Variants in ZMYND11 observed in about 807,000 individuals in gnomAD.
ZMYND11 encodes the protein zinc finger MYND domain-containing protein 11.
In ZMYND11, 9 loss-of-function variants were observed where a neutral mutation model predicts 84.9. The observed-to-expected ratio is 0.11, with a 90% CI of 0.06 to 0.18. The LOEUF (loss-of-function observed/expected upper bound fraction) is 0.18. Among genes scored for constraint, ZMYND11 ranks in the 10% least tolerant of loss-of-function variants. ZMYND11 has a pLI of 1.00. For synonymous variants in ZMYND11, 250 were observed against 244.1 expected (o/e 1.02, Z -0.23); for missense variants, 409 against 761.0 (o/e 0.54, Z 5.44).
intron 3 of ZMYND11, among the ~76,000 whole-genome samples, chr10:213,339 G>A (rs969319229): frequency 1.3e-5 from 2 of 152,178 alleles, no homozygotes; most frequent in African/African-American, 4.8e-5. Context: ...CAGCATTTGA[G>A]TCTGGGGCCC....
rs184765523 is a variant in ZMYND11 at position 198,389 on chromosome 10, A to T, written c.117-11500A>T. 8.5e-3 allele frequency among the ~76,000 whole-genome samples: 1,297 copies of T among 152,162 alleles called. 11 individuals carry two copies. Among genetic ancestry groups the T allele is most frequent in the Middle Eastern group, 0.034 (10 of 292 alleles). ...GTAATCATAATGGAGAACATTTTTA[A>T]AAAAAAAGTATAATACCTTTACTGT... On this transcript the variant is annotated intron_variant, in intron 2 of 14. Coordinates refer to ENST00000381604, the MANE Select transcript of ZMYND11 (RefSeq NM_001370100.5).
intron 14 of ZMYND11, 59 bp downstream of exon 14, chr10:249,147 C>T (rs376968022): frequency 1.1e-4 from 172 of 1,605,412 alleles, no homozygotes; most frequent in African/African-American, 4.7e-4. Context: ...GTATGATGCC[C>T]GTTAATTCAG....
At chr10:237,824 A>C (rs1440155629) in intron 6 of ZMYND11, 147 bp downstream of exon 6, 5 of 566,062 alleles carry the variant, frequency 8.8e-6, no homozygotes, top group Non-Finnish European at 6.2e-6. Context: ...AGACAGGCAT[A>C]ACTACCAAAT....
At chr10:140,538 T>C (rs916710483) in intron 1 of ZMYND11, among the ~76,000 whole-genome samples, 3 of 152,228 alleles carry the variant, frequency 2.0e-5, no homozygotes, top group Admixed American at 6.5e-5. Context: ...GGAGAGAAAT[T>C]TGGCAAATTA....
chr10:242,725 G>A (rs1391876292), intron 10 of ZMYND11, among the ~76,000 whole-genome samples: 1 of 152,200 alleles, frequency 6.6e-6, no homozygotes, highest in Non-Finnish European at 1.5e-5. Flanking sequence ...TCCATGAGGT[G>A]TCTCCTGTCA....
At chr10:232,032 G>C (rs958187422) in intron 4 of ZMYND11, among the ~76,000 whole-genome samples, 3 of 152,172 alleles carry the variant, frequency 2.0e-5, no homozygotes, top group African/African-American at 7.2e-5. Flanking sequence ...CCTGCAAATA[G>C]AGAATAGGAA....
chr10:230,970 T>G (rs1299837936), intron 4 of ZMYND11, among the ~76,000 whole-genome samples: 1 of 152,238 alleles, frequency 6.6e-6, no homozygotes, highest in Non-Finnish European at 1.5e-5. Context: ...GTATGTGTAC[T>G]GCCCGTGAGC....
At chr10:149,813 G>A (rs1360464592) in intron 1 of ZMYND11, among the ~76,000 whole-genome samples, 3 of 152,112 alleles carry the variant, frequency 2.0e-5, no homozygotes, top group African/African-American at 7.2e-5. Context: ...GTCTAATGAA[G>A]TACATTATTT....
At position 246,923 on chromosome 10, in the gene ZMYND11, C is replaced by A; in HGVS notation, c.1108C>A (p.Arg370=). ...GRFWKSKNED[R]GEEEAESSIS... ...ATTTTGGAAATCTAAGAATGAGGAC[C>A]GAGGTGAGGAAGAGGCAGAATCCAG... Residue 370 remains arginine (R), a synonymous_variant, in exon 11 of 15, where the codon CGA becomes AGA. Transcript: ENST00000381604. The A allele has an allele frequency of 6.2e-7, 1 of 1,612,520 alleles. No individual in the cohort carries two copies.
In ZMYND11 at chr10:159,598, G is replaced by A. The variant is rs561383367; in HGVS notation, c.-19-20396G>A. 9.9e-5 allele frequency among the ~76,000 whole-genome samples: 15 copies of A among 152,104 alleles called. No individual in the cohort carries two copies. The South Asian group carries it at 1.2e-3, about 13-fold the overall frequency. On this transcript the variant is annotated intron_variant, in intron 1 of 14. Transcript: ENST00000381604. ...ATTTTTTTAAATTGGATTTTGGGGCGTATTCTGAAATTTCAGAGGTTCTTT... is the reference window on the plus strand; with the variant it reads ...ATTTTTTTAAATTGGATTTTGGGGCATATTCTGAAATTTCAGAGGTTCTTT...
At chr10:156,314 A>G (rs1422624079) in intron 1 of ZMYND11, among the ~76,000 whole-genome samples, 5 of 152,190 alleles carry the variant, frequency 3.3e-5, no homozygotes, top group Non-Finnish European at 7.3e-5. Flanking sequence ...GAGTTAGAAA[A>G]CATGTTTATT....
intron 1 of ZMYND11, among the ~76,000 whole-genome samples, chr10:147,324 TC>T (rs1839132384): frequency 6.6e-6 from 1 of 152,186 alleles, no homozygotes; most frequent in Non-Finnish European, 1.5e-5. Context: ...CTTGTCTTGT[TC>T]CAGTTCTTAG....
intron 1 of ZMYND11, among the ~76,000 whole-genome samples, chr10:150,456 A>G (rs1840055388): frequency 1.3e-5 from 2 of 152,088 alleles, no homozygotes; most frequent in Admixed American, 1.3e-4. Context: ...ATCAGTGGTG[A>G]TATCCCCTTT....
Position 246,776 on chromosome 10 carries a change from C to G in ZMYND11, c.961C>G (p.Pro321Ala). ...ATGTGTTTTTCCTAGGGCCTGGATT[C>G]CTTCTGAAAACATTCAAGATATCAC... ...FGHHHQRAWI[P>A]SENIQDITVN... Residue 321 changes from proline to alanine, a missense_variant, in exon 11 of 15, where the codon CCT becomes GCT. Transcript: ENST00000381604. The G allele has an allele frequency of 1.9e-6, 3 of 1,614,098 alleles. No individual in the cohort carries two copies. The highest frequency in any genetic ancestry group is 2.5e-6 in the Non-Finnish European group (3 of 1,180,012).
chr10:161,965 G>A (rs1366501197), intron 1 of ZMYND11, among the ~76,000 whole-genome samples: 1 of 152,192 alleles, frequency 6.6e-6, no homozygotes, highest in Admixed American at 6.5e-5. Context: ...TGGGATAGCT[G>A]TTTGGCTTAA....
At chr10:175,436 C>T (rs970109503) in intron 1 of ZMYND11, among the ~76,000 whole-genome samples, 1 of 152,080 alleles carries the variant, frequency 6.6e-6, no homozygotes, top group Non-Finnish European at 1.5e-5. Context: ...GCTGTGGTGG[C>T]GCACGCCTGT....
At chr10:167,949 CTT>C (rs1844394727) in intron 1 of ZMYND11, among the ~76,000 whole-genome samples, 1 of 152,090 alleles carries the variant, frequency 6.6e-6, no homozygotes, top group South Asian at 2.1e-4. Flanking sequence ...TTTTGTAAAA[CTT>C]AAACTCTATA....
rs1459748889 is a variant in ZMYND11 at position 252,731 on chromosome 10, T to C, written c.*261T>C. 2 of 322,644 alleles carry C rather than the reference T, an allele frequency of 6.2e-6. No individual in the cohort carries two copies. The highest frequency in any genetic ancestry group is 1.1e-5 in the Non-Finnish European group (2 of 178,364). The allele number at this position is 322,644 out of a possible 1,614,324, so 20.0% of individuals were successfully genotyped here. On this transcript the variant is annotated 3_prime_UTR_variant, in exon 15 of 15. Transcript: ENST00000381604. The surrounding 1 kb of genome is among the most constrained non-coding windows in gnomAD (Gnocchi z 4.6). ...GAATTTGTTGCATTTTCAGCAAATTTTAAAACATTTTTAGGTTTTACAGAG... is the reference window on the plus strand; with the variant it reads ...GAATTTGTTGCATTTTCAGCAAATTCTAAAACATTTTTAGGTTTTACAGAG...
intron 2 of ZMYND11, among the ~76,000 whole-genome samples, chr10:191,974 G>A (rs1355992554): frequency 2.6e-5 from 4 of 152,174 alleles, no homozygotes; most frequent in South Asian, 2.1e-4. Context: ...TATGACTTAC[G>A]TTATCTTATT....
Sources: allele counts gnomAD v4.1 joint callset (sites outside exome capture counted in the v4.1 genomes callset), GRCh38; gene constraint gnomAD v4.1.1; non-coding constraint Gnocchi (gnomAD v3.1); transcripts MANE v1.5; gene names NCBI Gene and HGNC (gene_info 2026-07-23, HGNC 2026-07-21).